Variants in NHLRC2 observed in about 807,000 individuals in gnomAD.
The protein encoded by NHLRC2 is NHL repeat containing 2.
In NHLRC2, 33 loss-of-function variants were observed where a neutral mutation model predicts 68.1. The observed-to-expected ratio is 0.48, with a 90% CI of 0.37 to 0.65. The LOEUF is 0.65. NHLRC2 is among the 30% of genes least tolerant of loss of function. NHLRC2 has a pLI of 0.00. For missense variants in NHLRC2, 761 were observed against 853.8 expected, an observed-to-expected ratio of 0.89 and a Z score of 1.35; for synonymous variants, 311 against 309.6, an observed-to-expected ratio of 1.00 and a Z score of -0.05.
intron 10 of NHLRC2, among the ~76,000 whole-genome samples, chr10:113,907,197 A>G (rs1846284314): frequency 6.6e-6 from 1 of 152,248 alleles, no homozygotes; most frequent in Non-Finnish European, 1.5e-5. Context: ...CTCTTATTTG[A>G]CATATTTTTC....
intron 1 of NHLRC2, among the ~76,000 whole-genome samples, chr10:113,858,197 C>G (rs55683621): frequency 1.3e-5 from 2 of 151,956 alleles, no homozygotes; most frequent in African/African-American, 4.8e-5. Flanking sequence ...CCTGCTCCCC[C>G]ACCCGTACCC....
chr10:113,881,499 G>A (rs1846035861), intron 4 of NHLRC2, among the ~76,000 whole-genome samples: 1 of 151,672 alleles, frequency 6.6e-6, no homozygotes, highest in South Asian at 2.1e-4. Context: ...TCTCATTCAT[G>A]GCTCACGAAC....
chr10:113,864,583 A>G (rs889206188), intron 2 of NHLRC2, among the ~76,000 whole-genome samples: 1 of 151,604 alleles, frequency 6.6e-6, no homozygotes, highest in Non-Finnish European at 1.5e-5. Context: ...TGTAATCCCA[A>G]CTACTAGGGA....
At chr10:113,882,324 T>C (rs1260015260) in intron 4 of NHLRC2, among the ~76,000 whole-genome samples, 3 of 151,816 alleles carry the variant, frequency 2.0e-5, no homozygotes, top group Non-Finnish European at 4.4e-5. Flanking sequence ...ACTCGAAATA[T>C]ATGTGGGTTC....
At chr10:113,899,057 C>T (rs184318936) in intron 6 of NHLRC2, among the ~76,000 whole-genome samples, 2 of 152,244 alleles carry the variant, frequency 1.3e-5, no homozygotes, top group East Asian at 3.9e-4. Context: ...TTCTCTGTGA[C>T]CTCACTGTAC....
chr10:113,858,383 AC>A, intron 1 of NHLRC2, 144 bp from the exon 2 acceptor site: 1 of 570,952 alleles, frequency 1.8e-6, no homozygotes, highest in Non-Finnish European at 3.1e-6. Context: ...AATACATGCA[AC>A]TGCCACAGCC....
intron 5 of NHLRC2, among the ~76,000 whole-genome samples, chr10:113,889,405 T>C (rs1354735320): frequency 6.6e-6 from 1 of 152,210 alleles, no homozygotes; most frequent in African/African-American, 2.4e-5. Flanking sequence ...AAAATATTTT[T>C]GCTTTAAAAA....
intron 2 of NHLRC2, among the ~76,000 whole-genome samples, chr10:113,876,144 C>T (rs930496807): frequency 2.0e-5 from 3 of 150,290 alleles, no homozygotes; most frequent in Non-Finnish European, 4.4e-5. Flanking sequence ...CAATAAATAC[C>T]TCCCAAAAGC....
At chr10:113,856,783 G>A (rs977248522) in intron 1 of NHLRC2, among the ~76,000 whole-genome samples, 1 of 152,194 alleles carries the variant, frequency 6.6e-6, no homozygotes, top group East Asian at 1.9e-4. Context: ...TGCTAGAAAT[G>A]ACTGTTTTCT....
chr10:113,898,003 GAT>G, intron 5 of NHLRC2, 105 bp from the exon 6 acceptor site: 1 of 542,182 alleles, frequency 1.8e-6, no homozygotes. Flanking sequence ...TTTATCAGAT[GAT>G]TCACAAACAT....
At position 113,913,468 on chromosome 10, in the gene NHLRC2, G is replaced by C. The variant is rs1422559204; in HGVS notation, c.*4932G>C. On this transcript the variant is annotated 3_prime_UTR_variant, in exon 11 of 11. Coordinates refer to ENST00000369301, the MANE Select transcript of NHLRC2 (RefSeq NM_198514.4). ...TTTTCTTAATTTCAGATATTATCCA[G>C]AGTTTTTCTTGGCAGATGGATGTAT... The C allele has an allele frequency of 6.6e-6, 1 of 152,064 alleles. No homozygotes were observed. Among genetic ancestry groups the C allele is most frequent in the Non-Finnish European group, 1.5e-5 (1 of 68,012 alleles). 9.4% of individuals were successfully genotyped at this position (152,064 alleles called of 1,614,324 possible). A position where few individuals can be genotyped will look rare whatever the true frequency, so the allele number is the denominator to read the frequency against.
chr10:113,896,339 A>G (rs1196932399), intron 5 of NHLRC2, among the ~76,000 whole-genome samples: 3 of 152,098 alleles, frequency 2.0e-5, no homozygotes, highest in Non-Finnish European at 2.9e-5. Context: ...TGCAGCCATA[A>G]AAAAGGATGA....
intron 10 of NHLRC2, among the ~76,000 whole-genome samples, chr10:113,905,564 G>A (rs897969414): frequency 2.6e-5 from 4 of 151,996 alleles, no homozygotes; most frequent in Non-Finnish European, 5.9e-5. Flanking sequence ...TCTGTAACCT[G>A]GTGGACAAAA....
intron 2 of NHLRC2, among the ~76,000 whole-genome samples, chr10:113,871,085 C>T (rs1213314915): frequency 4.6e-5 from 6 of 129,664 alleles, no homozygotes; most frequent in African/African-American, 1.2e-4. Flanking sequence ...AGTACAGTGG[C>T]GTGATCTCGG....
In NHLRC2 at chr10:113,911,027, A is replaced by G. The variant is rs917167896; in HGVS notation, c.*2491A>G. The G allele has an allele frequency of 1.3e-5, 2 of 152,190 alleles. No homozygotes were observed. Among genetic ancestry groups the G allele is most frequent in the African/African-American group, 4.8e-5 (2 of 41,460 alleles). The allele number at this position is 152,190 out of a possible 1,614,324, so 9.4% of individuals were successfully genotyped here. A position where few individuals can be genotyped will look rare whatever the true frequency, so the allele number is the denominator to read the frequency against. On this transcript the variant is annotated 3_prime_UTR_variant, in exon 11 of 11. Coordinates refer to ENST00000369301, the MANE Select transcript of NHLRC2 (RefSeq NM_198514.4). The stretch of plus-strand genomic sequence containing the variant: ...TTATTTTTAAAACTTGTTGATCCAT[A>G]TTCTATAAGGACTAATGCATATTTT...
intron 6 of NHLRC2, among the ~76,000 whole-genome samples, chr10:113,900,745 T>G (rs776779071): frequency 2.0e-5 from 3 of 152,224 alleles, no homozygotes; most frequent in Non-Finnish European, 4.4e-5. Flanking sequence ...AGTGGCCATA[T>G]TTTATGCGTG....
chr10:113,865,591 C>G (rs1189837261), intron 2 of NHLRC2, among the ~76,000 whole-genome samples: 2 of 129,802 alleles, frequency 1.5e-5, no homozygotes, highest in Non-Finnish European at 3.3e-5. Flanking sequence ...TTTAATATAA[C>G]TTCGACTTTT....
chr10:113,870,495 C>T (rs1845912582), intron 2 of NHLRC2, among the ~76,000 whole-genome samples: 1 of 152,148 alleles, frequency 6.6e-6, no homozygotes, highest in Non-Finnish European at 1.5e-5. Context: ...AAAATAACTG[C>T]ATAGTACTCC....
intron 2 of NHLRC2, among the ~76,000 whole-genome samples, chr10:113,863,210 C>T (rs1845833248): frequency 6.6e-6 from 1 of 152,100 alleles, no homozygotes; most frequent in Admixed American, 6.5e-5. Context: ...CAGGATAGAC[C>T]ATTAGTTATG....
Sources: allele counts gnomAD v4.1 joint callset (sites outside exome capture counted in the v4.1 genomes callset), GRCh38; gene constraint gnomAD v4.1.1; transcripts MANE v1.5; gene names NCBI Gene and HGNC (gene_info 2026-07-23, HGNC 2026-07-21).